CHMP3: variants seen among roughly 807,000 people sequenced by gnomAD.
CHMP3 encodes charged multivesicular body protein 3.
In CHMP3, 8 loss-of-function variants were observed where a neutral mutation model predicts 27.4. The observed-to-expected ratio is 0.29, with a 90% CI of 0.17 to 0.53. The LOEUF (loss-of-function observed/expected upper bound fraction) is 0.53. Among genes scored for constraint, CHMP3 ranks in the 20% least tolerant of loss-of-function variants. The pLI is 0.96. For synonymous variants in CHMP3, 86 were observed against 85.5 expected, an observed-to-expected ratio of 1.01 and a Z score of -0.03; for missense variants, 208 against 271.5, an observed-to-expected ratio of 0.77 and a Z score of 1.64.
intron 3 of CHMP3, chr2:86,511,676 C>T (rs541934812): frequency 2.0e-5 from 3 of 152,074 alleles, no homozygotes; most frequent in African/African-American, 7.2e-5. Flanking sequence ...CTGATGTCTA[C>T]ATGAGCCTGT....
At chr2:86,521,047 C>T (rs1351269330) in intron 3 of CHMP3, among the ~76,000 whole-genome samples, 1 of 152,192 alleles carries the variant, frequency 6.6e-6, no homozygotes, top group Non-Finnish European at 1.5e-5. Flanking sequence ...TAATTTCCCC[C>T]ACCCTTAAGA....
At chr2:86,563,186 G>A in intron 1 of CHMP3, 118 bp downstream of exon 1, 1 of 1,295,210 alleles carries the variant, frequency 7.7e-7, no homozygotes, top group Non-Finnish European at 1.1e-6. Flanking sequence ...GGAGTCCCCG[G>A]AAATGGGGGC....
At chr2:86,509,179 C>T (rs1426864640) in intron 4 of CHMP3, among the ~76,000 whole-genome samples, 1 of 152,138 alleles carries the variant, frequency 6.6e-6, no homozygotes, top group Non-Finnish European at 1.5e-5. Flanking sequence ...GAAAAAGATC[C>T]CAGATTCTGA....
At chr2:86,542,221 GAAAA>G (rs746209016) in intron 2 of CHMP3, 27 bp downstream of exon 2, 8 of 1,608,794 alleles carry the variant, frequency 5.0e-6, no homozygotes, top group Non-Finnish European at 6.0e-6. Flanking sequence ...CCAAGAGGGT[GAAAA>G]ATAGAAGACA....
chr2:86,543,668 G>A (rs1676448510), intron 1 of CHMP3, among the ~76,000 whole-genome samples: 1 of 151,970 alleles, frequency 6.6e-6, no homozygotes, highest in African/African-American at 2.4e-5. Context: ...TATATACATA[G>A]TTTACCACGG....
At chr2:86,548,759 C>A (rs1050369397) in intron 1 of CHMP3, among the ~76,000 whole-genome samples, 5 of 152,086 alleles carry the variant, frequency 3.3e-5, no homozygotes, top group Admixed American at 6.5e-5. Context: ...GCACTCCTCA[C>A]TTCCCAGACG....
Position 86,529,240 on chromosome 2 carries a change from G to A in CHMP3, c.264C>T (p.Leu88=). 6.2e-7 allele frequency: 1 copy of A among 1,608,992 alleles called. No homozygotes were observed. The highest frequency in any genetic ancestry group is 8.5e-7 in the Non-Finnish European group (1 of 1,178,126). The change falls in exon 3 of 6, where the codon CTC becomes CTT. Residue 88 remains leucine (L), a synonymous_variant. Coordinates refer to ENST00000263856, the MANE Select transcript of CHMP3 (RefSeq NM_016079.4). Reference sequence around the variant, plus strand: ...TACCGAGCTGGTTCTTCATCCCCATGAGCACTGAGTTCATGTGTGCTTTGG... The same window carrying A: ...TACCGAGCTGGTTCTTCATCCCCATAAGCACTGAGTTCATGTGTGCTTTGG... The part of the protein sequence containing the change: ...YASKAHMNSV[L]MGMKNQLAVL...
chr2:86,549,512 C>T, intron 1 of CHMP3, among the ~76,000 whole-genome samples: 1 of 147,220 alleles, frequency 6.8e-6, no homozygotes, highest in South Asian at 2.2e-4. Context: ...GCGCTCCTCA[C>T]TTCCCAGACA....
chr2:86,534,467 A>G (rs971656032), intron 2 of CHMP3, among the ~76,000 whole-genome samples: 4 of 152,090 alleles, frequency 2.6e-5, no homozygotes, highest in African/African-American at 9.7e-5. Context: ...AAGTGCTAGG[A>G]TTACAGGTGT....
chr2:86,509,261 T>A (rs1675001870), intron 4 of CHMP3, among the ~76,000 whole-genome samples: 1 of 152,164 alleles, frequency 6.6e-6, no homozygotes, highest in Admixed American at 6.5e-5. Flanking sequence ...AAGAATGATC[T>A]TCTTATCTGG....
At chr2:86,553,401 G>C (rs1231238894) in intron 1 of CHMP3, among the ~76,000 whole-genome samples, 2 of 152,104 alleles carry the variant, frequency 1.3e-5, no homozygotes, top group Admixed American at 6.5e-5. Context: ...GCACAATCTA[G>C]GCTCACTGCA....
chr2:86,514,065 A>G (rs1485373920), intron 3 of CHMP3, among the ~76,000 whole-genome samples: 1 of 152,248 alleles, frequency 6.6e-6, no homozygotes, highest in Non-Finnish European at 1.5e-5. Flanking sequence ...GTTTATAAAT[A>G]TATCTTAAGA....
intron 5 of CHMP3, among the ~76,000 whole-genome samples, chr2:86,506,794 A>G (rs898471990): frequency 1.3e-5 from 2 of 151,886 alleles, no homozygotes; most frequent in Admixed American, 6.6e-5. Context: ...TATTTTTTGT[A>G]GAGACAGGGT....
intron 3 of CHMP3, among the ~76,000 whole-genome samples, chr2:86,512,972 C>G (rs1278922767): frequency 6.6e-6 from 1 of 152,242 alleles, no homozygotes; most frequent in Non-Finnish European, 1.5e-5. Context: ...GCCAGACACA[C>G]ACCTACCATA....
In CHMP3 at chr2:86,542,326, T is replaced by A. The variant is rs1436577418; in HGVS notation, c.46-14A>T. The A allele has an allele frequency of 3.1e-6, 5 of 1,612,880 alleles. No individual in the cohort carries two copies. In the South Asian group the frequency reaches 5.5e-5, roughly 18 times the overall value. On this transcript the variant is annotated splice_polypyrimidine_tract_variant and intron_variant, in intron 1 of 5. Transcript: ENST00000263856. ...CCACTCATTGACCTGGGAAAATTTT[T>A]AGAAAAGGAATGAGGAGAAAAGCCG...
At chr2:86,518,920 C>T (rs1675418903) in intron 3 of CHMP3, among the ~76,000 whole-genome samples, 1 of 152,126 alleles carries the variant, frequency 6.6e-6, no homozygotes, top group Non-Finnish European at 1.5e-5. Context: ...CACTGTTTCA[C>T]TGGGAAAAAC....
At chr2:86,559,672 T>C (rs67897621) in intron 1 of CHMP3, among the ~76,000 whole-genome samples, 11,283 of 152,044 alleles carry the variant, frequency 0.074, 469 homozygotes, top group Non-Finnish European at 0.08. Flanking sequence ...CTAAAACATA[T>C]CAAAACTGAA....
At chr2:86,506,588 C>T (rs1674896993) in intron 5 of CHMP3, among the ~76,000 whole-genome samples, 1 of 151,100 alleles carries the variant, frequency 6.6e-6, no homozygotes, top group African/African-American at 2.4e-5. Flanking sequence ...ATAAATATAA[C>T]ACAAATGATT....
At chr2:86,517,564 T>TTA (rs1195685459) in intron 3 of CHMP3, among the ~76,000 whole-genome samples, 1 of 38,234 alleles carries the variant, frequency 2.6e-5, no homozygotes, top group Non-Finnish European at 5.4e-5. Flanking sequence ...AGACTCCGTC[T>TTA]CAAAAAAAAA....
Sources: gnomAD v4.1 joint callset for allele counts (sites outside exome capture counted in the v4.1 genomes callset) on GRCh38, gnomAD v4.1.1 for gene constraint, MANE v1.5 for transcripts, NCBI Gene and HGNC (gene_info 2026-07-23, HGNC 2026-07-21) for gene names.